Variants in LIPE observed in about 807,000 individuals in gnomAD.
The protein encoded by LIPE is lipase E, hormone sensitive type, also known as hormone-sensitive lipase.
Under a neutral mutation model 88.5 loss-of-function variants are expected in LIPE, and 66 were observed. That is an observed-to-expected ratio of 0.75 (90% CI 0.61 to 0.91). The LOEUF is 0.91. Among genes scored for constraint, LIPE ranks in the 40% least tolerant of loss-of-function variants. The probability of loss-of-function intolerance (pLI) is 0.00; values close to 1 mark genes in which losing one functional copy is unlikely to be tolerated. For synonymous variants in LIPE, 570 were observed against 617.5 expected, an observed-to-expected ratio of 0.92 and a Z score of 1.14; for missense variants, 1,346 against 1,434.7, an observed-to-expected ratio of 0.94 and a Z score of 1.00.
rs2040209548 is a variant in LIPE, at chr19:42,407,109, G to A, written c.2137+65C>T. ...TAGAGGGTGTGAGGCTGAGGCTGGA[G>A]GAGCTTAAAGCAAGCTGGGTGGGAT... On this transcript the variant is annotated intron_variant, in intron 6 of 9. Transcript: ENST00000244289. This position sits in a 1 kb window ranked among gnomAD's most constrained non-coding sequence, Gnocchi z 5.8. 1 of 1,373,536 alleles carries A rather than the reference G, an allele frequency of 7.3e-7. No individual in the cohort carries two copies. Among genetic ancestry groups the A allele is most frequent in the African/African-American group, 1.5e-5 (1 of 68,444 alleles). 85.1% of individuals were successfully genotyped at this position (1,373,536 alleles called of 1,614,324 possible). A position where few individuals can be genotyped will look rare whatever the true frequency, so the allele number is the denominator to read the frequency against.
Position 42,410,355 on chromosome 19 carries a change from A to G in LIPE, c.1371T>C (p.Tyr457=), listed in dbSNP as rs1239361188. The G allele has an allele frequency of 6.2e-7, 1 of 1,613,132 alleles. No homozygotes were observed. The highest frequency in any genetic ancestry group is 8.5e-7 in the Non-Finnish European group (1 of 1,179,528). ...AGAAGCATCCCTTATGCAGCGTGAC[A>G]TACTCCCGGAGGAAGTCGGCGGTGA... ...EGLTADFLRE[Y]VTLHKGCFYG... Residue 457 remains tyrosine (Y), a synonymous_variant, in exon 2 of 10, where the codon TAT becomes TAC. Transcript: ENST00000244289. This position sits in a 1 kb window ranked among gnomAD's most constrained non-coding sequence, Gnocchi z 6.1.
intron 9 of LIPE, 144 bp from the exon 10 acceptor site, chr19:42,402,219 T>G (rs1600099407): frequency 1.3e-6 from 1 of 780,040 alleles, no homozygotes. Flanking sequence ...ACATGGTGGG[T>G]GAGGAGTTGG....
At chr19:42,403,558 G>A (rs1162324518) in intron 8 of LIPE, among the ~76,000 whole-genome samples, 3 of 150,822 alleles carry the variant, frequency 2.0e-5, no homozygotes, top group South Asian at 2.1e-4. Context: ...AGTGATTCTC[G>A]TGCCTCAGCT....
In LIPE at chr19:42,415,688, T is replaced by C. The variant is rs141906382; in HGVS notation, c.884-4846A>G. ...AGCCGGGCGTGGTGGTGGGTGCCTGTAGTCCCAGCTACTAGGGAGGCTGAG... is the reference window on the plus strand; with the variant it reads ...AGCCGGGCGTGGTGGTGGGTGCCTGCAGTCCCAGCTACTAGGGAGGCTGAG... On this transcript the variant is annotated intron_variant, in intron 1 of 9. Transcript: ENST00000244289. Among the ~76,000 whole-genome samples, 418 of 152,096 alleles carry C rather than the reference T, an allele frequency of 2.7e-3. 1 individual carries two copies. The highest frequency in any genetic ancestry group is 6.4e-3 in the Admixed American group (97 of 15,268).
At chr19:42,425,335 C>T (rs1238035949) in intron 1 of LIPE, 4 of 152,586 alleles carry the variant, frequency 2.6e-5, no homozygotes, top group East Asian at 3.9e-4. Flanking sequence ...TCTCCTGGTC[C>T]CTAGCTCAGA....
intron 1 of LIPE, among the ~76,000 whole-genome samples, chr19:42,422,643 G>C (rs1445949486): frequency 6.6e-6 from 1 of 152,170 alleles, no homozygotes; most frequent in Non-Finnish European, 1.5e-5. Flanking sequence ...ATAAATGCTT[G>C]TAACTGAGGA....
chr19:42,410,942 A>C lies in LIPE; in HGVS notation c.884-100T>G. 2 of 1,144,164 alleles carry C rather than the reference A, an allele frequency of 1.7e-6. No homozygotes were observed. Among genetic ancestry groups the C allele is most frequent in the Non-Finnish European group, 2.4e-6 (2 of 816,460 alleles). The allele number at this position is 1,144,164 out of a possible 1,614,324, so 70.9% of individuals were successfully genotyped here. Reference sequence around the variant, plus strand: ...CATAGCTTACCCACTCCTCCTTCAAACCTCAGTGCTGTCTTCTTTCAGTTC... The same window carrying C: ...CATAGCTTACCCACTCCTCCTTCAACCCTCAGTGCTGTCTTCTTTCAGTTC... On this transcript the variant is annotated intron_variant, in intron 1 of 9. Coordinates refer to ENST00000244289, the MANE Select transcript of LIPE (RefSeq NM_005357.4). This position sits in a 1 kb window ranked among gnomAD's most constrained non-coding sequence, Gnocchi z 6.1.
chr19:42,417,709 A>ATAGAAATACATT (rs2040516643), intron 1 of LIPE, among the ~76,000 whole-genome samples: 1 of 152,172 alleles, frequency 6.6e-6, no homozygotes. Context: ...ATAATAAAAA[A>ATAGAAATACATT]TAGAAATACA....
chr19:42,401,930 T>G lies in LIPE; in HGVS notation c.3113A>C (p.Gln1038Pro), dbSNP rs1237164204. The G allele has an allele frequency of 6.4e-6, 10 of 1,555,220 alleles. No homozygotes were observed. Among genetic ancestry groups the G allele is most frequent in the Non-Finnish European group, 1.7e-6 (2 of 1,155,172 alleles). ...GCGCTCCACGCACAGCTCTGCGGCC[T>G]GGCGCGTCTCGCGGCACAGCGCCGC... ...TLAALCRETRQAAELCVERIR... is the reference protein window; with the variant it reads ...TLAALCRETRPAAELCVERIR... The change falls in exon 10 of 10, where the codon CAG (glutamine) becomes CCG (proline). Residue 1038 changes from glutamine to proline, a missense_variant. Physicochemically the swap from Gln to Pro is moderately conservative, Grantham distance 76 (BLOSUM62 -1). Transcript: ENST00000244289.
At chr19:42,422,961 G>C (rs188779903) in intron 1 of LIPE, 1 of 172,352 alleles carries the variant, frequency 5.8e-6, no homozygotes. Context: ...TCCACTATGG[G>C]CACCCCTTCC....
Position 42,405,464 on chromosome 19 carries a change from G to T in LIPE, c.2463C>A (p.Arg821=). The T allele has an allele frequency of 6.2e-7, 1 of 1,614,080 alleles. No homozygotes were observed. The highest frequency in any genetic ancestry group is 1.1e-5 in the South Asian group (1 of 91,072). Residue 821 remains arginine (R), a synonymous_variant, in exon 8 of 10, where the codon CGC becomes CGA. Coordinates refer to ENST00000244289, the MANE Select transcript of LIPE (RefSeq NM_005357.4). ...AGTTGAGCCATGAGGAGGCACCCAG[G>T]CGGAAGTCTCGGAGGAGCAGGGCTG... ...RDTALLLRDF[R]LGASSWLNSF...
chr19:42,404,826 A>C (rs2040117087), intron 8 of LIPE, among the ~76,000 whole-genome samples: 1 of 152,170 alleles, frequency 6.6e-6, no homozygotes, highest in Non-Finnish European at 1.5e-5. Flanking sequence ...TACTGGCCAA[A>C]TGGTTGGAGG....
At chr19:42,411,463 C>T (rs546272497) in intron 1 of LIPE, 7 of 287,308 alleles carry the variant, frequency 2.4e-5, no homozygotes, top group African/African-American at 1.6e-4. Context: ...CTTCTTAGGC[C>T]CCAAGTGCTA....
At chr19:42,419,851 A>C (rs1351687988) in intron 1 of LIPE, among the ~76,000 whole-genome samples, 1 of 152,002 alleles carries the variant, frequency 6.6e-6, no homozygotes, top group East Asian at 1.9e-4. Context: ...CAAACGTTGC[A>C]CCAACAGCCT....
chr19:42,426,564 A>G lies in LIPE; in HGVS notation c.586T>C (p.Ser196Pro). The G allele has an allele frequency of 6.2e-7, 1 of 1,614,104 alleles. No homozygotes were observed. Among genetic ancestry groups the G allele is most frequent in the African/African-American group, 1.3e-5 (1 of 75,004 alleles). ...KQTTPVQGAK[S>P]KQGSLTELGF... ...AGCTCTGTCAAAGATCCCTGCTTGGATTTGGCTCCCTGGACTGGCGTTGTT... is the reference window on the plus strand; with the variant it reads ...AGCTCTGTCAAAGATCCCTGCTTGGGTTTGGCTCCCTGGACTGGCGTTGTT... The change falls in exon 1 of 10, where the codon TCC (serine) becomes CCC (proline). Residue 196 changes from serine to proline, a missense_variant. By Grantham distance (74) the Ser-to-Pro change is moderately conservative. Coordinates refer to ENST00000244289, the MANE Select transcript of LIPE (RefSeq NM_005357.4).
Position 42,402,012 on chromosome 19 carries a change from C to A in LIPE, c.3031G>T (p.Gly1011Cys). 1 of 1,544,402 alleles carries A rather than the reference C, an allele frequency of 6.5e-7. No individual in the cohort carries two copies. ...ACCACGCGCAGCGTCACCGGCTGGC[C>A]CAGGTTGCGCAGTCGCCGCGCGAGC... ...VMLARRLRNL[G>C]QPVTLRVVED... The change falls in exon 10 of 10, where the codon GGC becomes TGC. Residue 1011 changes from glycine to cysteine, a missense_variant. Coordinates refer to ENST00000244289, the MANE Select transcript of LIPE (RefSeq NM_005357.4).
intron 9 of LIPE, 69 bp downstream of exon 9, chr19:42,402,538 G>C (rs1033950369): frequency 1.5e-6 from 2 of 1,355,462 alleles, no homozygotes; most frequent in Non-Finnish European, 9.7e-7. Flanking sequence ...ACCCGTGCCC[G>C]GTCCCCCTCC....
At position 42,407,498 on chromosome 19, in the gene LIPE, G is replaced by A; in HGVS notation, c.1843-30C>T. 1.3e-6 allele frequency: 2 copies of A among 1,596,806 alleles called. No homozygotes were observed. The highest frequency in any genetic ancestry group is 1.7e-6 in the Non-Finnish European group (2 of 1,168,576). Reference sequence around the variant, plus strand: ...GGGTGAGGAGGGAGACGGTGTGTGAGGTTGGGGAGAGCTGGCCAGGGCTGC... The same window carrying A: ...GGGTGAGGAGGGAGACGGTGTGTGAAGTTGGGGAGAGCTGGCCAGGGCTGC... On this transcript the variant is annotated intron_variant, in intron 5 of 9. Transcript: ENST00000244289. The surrounding 1 kb of genome is among the most constrained non-coding windows in gnomAD (Gnocchi z 5.8).
chr19:42,420,396 G>A (rs184668548), intron 1 of LIPE, among the ~76,000 whole-genome samples: 5 of 152,272 alleles, frequency 3.3e-5, no homozygotes, highest in Admixed American at 6.5e-5. Flanking sequence ...AGGTATGAAT[G>A]TTTGTATGCC....
Sources: gnomAD v4.1 joint callset for allele counts (sites outside exome capture counted in the v4.1 genomes callset) on GRCh38, gnomAD v4.1.1 for gene constraint, Gnocchi (gnomAD v3.1) non-coding constraint, MANE v1.5 for transcripts, NCBI Gene and HGNC (gene_info 2026-07-23, HGNC 2026-07-21) for gene names.